Variants in DDX49 observed in about 807,000 individuals in gnomAD.
DDX49 encodes probable ATP-dependent RNA helicase DDX49.
A neutral mutation model predicts 56.3 loss-of-function variants in DDX49; 50 were observed. That is an observed-to-expected ratio of 0.89 (90% CI 0.71 to 1.12). The LOEUF is 1.12. Among genes scored for constraint, DDX49 ranks in the 50% most tolerant of loss-of-function variants. The pLI is 0.00. For synonymous variants in DDX49, 269 were observed against 270.6 expected (o/e 0.99, Z 0.06); for missense variants, 614 against 650.5 (o/e 0.94, Z 0.61).
intron 4 of DDX49, 140 bp from the exon 5 acceptor site, chr19:18,922,186 A>T (rs2056923062): frequency 8.2e-7 from 1 of 1,217,716 alleles, no homozygotes; most frequent in Admixed American, 2.2e-5. Context: ...GACTTGGGTG[A>T]GGGGCAGGCC....
rs1233702498 is a variant in DDX49 at position 18,926,357 on chromosome 19, A to T, written c.1082A>T (p.His361Leu). Reference sequence around the variant, plus strand: ...ACACAGTACGACATCCACCTGGTGCACGCCATCGAGGAGCAGATCAGTGAG... The same window carrying T: ...ACACAGTACGACATCCACCTGGTGCTCGCCATCGAGGAGCAGATCAGTGAG... ...LVTQYDIHLVHAIEEQIKKKL... is the reference protein window; with the variant it reads ...LVTQYDIHLVLAIEEQIKKKL... Residue 361 changes from histidine (H) to leucine (L), a missense_variant, in exon 10 of 13, where the codon CAC becomes CTC. Coordinates refer to ENST00000247003, the MANE Select transcript of DDX49 (RefSeq NM_019070.5). 1 of 1,315,712 alleles carries T rather than the reference A, an allele frequency of 7.6e-7. No homozygotes were observed. Among genetic ancestry groups the T allele is most frequent in the Non-Finnish European group, 1.0e-6 (1 of 999,806 alleles). The allele number at this position is 1,315,712 out of a possible 1,614,324, so 81.5% of individuals were successfully genotyped here.
chr19:18,920,815 C>T (rs2056909367), intron 2 of DDX49, 112 bp downstream of exon 2: 8 of 1,178,388 alleles, frequency 6.8e-6, no homozygotes, highest in Middle Eastern at 2.6e-4. Context: ...GCATGAAAAT[C>T]TTGCTACCCG....
At chr19:18,924,750 G>A in intron 8 of DDX49, 51 bp downstream of exon 8, 3 of 1,613,556 alleles carry the variant, frequency 1.9e-6, no homozygotes, top group Non-Finnish European at 2.5e-6. Context: ...TTACTACAAG[G>A]CCCCACAGAT....
At position 18,920,501 on chromosome 19, in the gene DDX49, C is replaced by T. The variant is rs1230443320; in HGVS notation, c.116-79C>T. On this transcript the variant is annotated intron_variant, in intron 1 of 12. Coordinates refer to ENST00000247003, the MANE Select transcript of DDX49 (RefSeq NM_019070.5). ...TCCAGTCCAGCCTGCCACTCACTGG[C>T]AGTGTGTCCTGGGCAAGGTCTCTGA... 3.4e-6 allele frequency: 5 copies of T among 1,452,776 alleles called. No individual in the cohort carries two copies. The East Asian group carries it at 1.2e-4, about 35-fold the overall frequency. The allele number at this position is 1,452,776 out of a possible 1,614,324, so 90.0% of individuals were successfully genotyped here.
Position 18,928,366 on chromosome 19 carries a change from G to T in DDX49, c.*50G>T, listed in dbSNP as rs1458591950. On this transcript the variant is annotated 3_prime_UTR_variant, in exon 13 of 13. Transcript: ENST00000247003. ...CCTTGACTCGTCCATGGAGCTGAGG[G>T]TCGGAGGAACCTTCCTTGGGGGCAG... 3.4e-6 allele frequency: 5 copies of T among 1,449,964 alleles called. No individual in the cohort carries two copies. The South Asian group carries it at 7.2e-5, about 21-fold the overall frequency. The allele number at this position is 1,449,964 out of a possible 1,614,324, so 89.8% of individuals were successfully genotyped here. A position where few individuals can be genotyped will look rare whatever the true frequency, so the allele number is the denominator to read the frequency against.
intron 9 of DDX49, among the ~76,000 whole-genome samples, chr19:18,925,586 A>G (rs1264519140): frequency 6.6e-6 from 1 of 152,230 alleles, no homozygotes; most frequent in African/African-American, 2.4e-5. Context: ...ATAAGTAAAT[A>G]AAATAAAATT....
At chr19:18,927,895 G>C (rs2056975585) in intron 11 of DDX49, 41 bp downstream of exon 11, 1 of 1,613,742 alleles carries the variant, frequency 6.2e-7, no homozygotes, top group Non-Finnish European at 8.5e-7. Context: ...TGCTCTCCAG[G>C]GCCGGGGGTG....
chr19:18,926,189 A>G, intron 9 of DDX49, 114 bp from the exon 10 acceptor site: 2 of 1,129,140 alleles, frequency 1.8e-6, no homozygotes, highest in South Asian at 1.5e-5. Context: ...CCCAAGCCCA[A>G]GCCCTTGTTC....
chr19:18,927,697 C>T, intron 10 of DDX49, 69 bp from the exon 11 acceptor site: 1 of 1,387,526 alleles, frequency 7.2e-7, no homozygotes, highest in Admixed American at 1.7e-5. Flanking sequence ...GAACTCACTA[C>T]TTGGCTGAAC....
chr19:18,923,858 A>AGTG (rs2056938865), intron 6 of DDX49, among the ~76,000 whole-genome samples: 1 of 131,214 alleles, frequency 7.6e-6, no homozygotes, highest in Admixed American at 8.8e-5. Context: ...CCCAGGCTGG[A>AGTG]GTGCAATGGC....
chr19:18,926,205 C>T (rs1456307030), intron 9 of DDX49, 98 bp from the exon 10 acceptor site: 2 of 1,298,104 alleles, frequency 1.5e-6, no homozygotes, highest in Non-Finnish European at 2.2e-6. Context: ...TGTTCAGCAT[C>T]TCCAGGACCC....
At chr19:18,921,575 T>A (rs2056917384) in intron 2 of DDX49, 88 bp from the exon 3 acceptor site, 1 of 1,293,466 alleles carries the variant, frequency 7.7e-7, no homozygotes, top group African/African-American at 1.5e-5. Flanking sequence ...GCCTGGGGGC[T>A]CAGGGAGGAA....
At chr19:18,922,811 C>G (rs2056930427) in intron 6 of DDX49, 67 bp downstream of exon 6, 1 of 1,563,168 alleles carries the variant, frequency 6.4e-7, no homozygotes, top group Admixed American at 1.7e-5. Context: ...CGTCTTTGGT[C>G]TGGGACACAC....
Position 18,926,324 on chromosome 19 carries a change from C to T in DDX49, c.1049C>T (p.Thr350Met), listed in dbSNP as rs115008160. The part of the protein sequence containing the change: ...ARAGRQGQAI[T>M]LVTQYDIHLV... Reference sequence around the variant, plus strand: ...ACAGGGCGGCAGGGTCAGGCCATCACGCTGGTGACACAGTACGACATCCAC... The same window carrying T: ...ACAGGGCGGCAGGGTCAGGCCATCATGCTGGTGACACAGTACGACATCCAC... The change falls in exon 10 of 13, where the codon ACG becomes ATG. Residue 350 changes from threonine (T) to methionine (M), a missense_variant. Physicochemically the swap from Thr to Met is moderately conservative, Grantham distance 81. Coordinates refer to ENST00000247003, the MANE Select transcript of DDX49 (RefSeq NM_019070.5). 49 of 1,534,544 alleles carry T rather than the reference C, an allele frequency of 3.2e-5. 1 individual carries two copies. The Admixed American group carries it at 5.8e-4, about 18-fold the overall frequency.
chr19:18,921,956 C>T lies in DDX49; in HGVS notation c.439C>T (p.Arg147Cys), dbSNP rs201324570. 1.7e-5 allele frequency: 27 copies of T among 1,609,228 alleles called. No individual in the cohort carries two copies. The highest frequency in any genetic ancestry group is 2.1e-5 in the Non-Finnish European group (25 of 1,177,072). ...SSNTFSIKKI[R>C]FLVMDEADRL... ...CAACACTTTTAGTATAAAGAAGATC[C>T]GCTTCCTGGTGAGTTCGCCCCGCCC... The change falls in exon 4 of 13, where the codon CGC becomes TGC. Residue 147 changes from arginine (R) to cysteine (C), a missense_variant. By Grantham distance (180) the Arg-to-Cys change is radical. Transcript: ENST00000247003.
rs1601248239 is a variant in DDX49, at chr19:18,921,675, C to T, written c.252C>T (p.Tyr84=). ...LVLTPTRELA[Y]QIAEQFRVLG... is the part of the protein sequence containing the mutation. Reference sequence around the variant, plus strand: ...TTCACACCCACAGGGAGCTGGCCTACCAGATCGCAGAGCAGTTCCGGGTCC... The same window carrying T: ...TTCACACCCACAGGGAGCTGGCCTATCAGATCGCAGAGCAGTTCCGGGTCC... The change falls in exon 3 of 13, where the codon TAC becomes TAT. Residue 84 remains tyrosine (Y), a synonymous_variant. Transcript: ENST00000247003. 6.2e-7 allele frequency: 1 copy of T among 1,614,128 alleles called. No homozygotes were observed. Among genetic ancestry groups the T allele is most frequent in the Non-Finnish European group, 8.5e-7 (1 of 1,180,028 alleles).
rs777998822 is a variant in DDX49, at chr19:18,920,560, C to T, written c.116-20C>T. ...TGTCCACACATGGAGGGTGTTGATG[C>T]TGCTTTGTCCCCAACCCAGGTCGAG... On this transcript the variant is annotated intron_variant, in intron 1 of 12. Transcript: ENST00000247003. The T allele has an allele frequency of 6.3e-6, 10 of 1,580,578 alleles. No individual in the cohort carries two copies. In the Admixed American group the frequency reaches 1.2e-4, roughly 19 times the overall value.
chr19:18,925,736 A>T (rs974888182), intron 9 of DDX49, among the ~76,000 whole-genome samples: 1 of 152,166 alleles, frequency 6.6e-6, no homozygotes, highest in African/African-American at 2.4e-5. Flanking sequence ...AGGGAGGGGC[A>T]TGGTGTCCAT....
intron 6 of DDX49, 101 bp downstream of exon 6, chr19:18,922,845 C>A: frequency 2.1e-6 from 3 of 1,448,988 alleles, no homozygotes; most frequent in Non-Finnish European, 1.9e-6. Flanking sequence ...ACTCCCCAGC[C>A]TCTGCTCAGC....
Sources: allele counts gnomAD v4.1 joint callset (sites outside exome capture counted in the v4.1 genomes callset), GRCh38; gene constraint gnomAD v4.1.1; transcripts MANE v1.5; gene names NCBI Gene and HGNC (gene_info 2026-07-23, HGNC 2026-07-21).